RBMS3: variants seen among roughly 807,000 people sequenced by gnomAD.
The protein encoded by RBMS3 is RNA-binding motif, single-stranded-interacting protein 3.
A neutral mutation model predicts 66.8 loss-of-function variants in RBMS3; 27 were observed. That is an observed-to-expected ratio of 0.40 (90% confidence interval 0.30 to 0.56). The LOEUF is 0.56. RBMS3 is among the 20% of genes least tolerant of loss of function. RBMS3 has a pLI of 0.40. For synonymous variants in RBMS3, 188 were observed against 183.0 expected, an observed-to-expected ratio of 1.03 and a Z score of -0.22; for missense variants, 513 against 549.5, an observed-to-expected ratio of 0.93 and a Z score of 0.66.
chr3:29,696,957 T>C, intron 4 of RBMS3: 2 of 981,870 alleles, frequency 2.0e-6, no homozygotes, highest in Non-Finnish European at 2.4e-6. Flanking sequence ...TAATTTTTAA[T>C]TTTTGTAGGT....
chr3:29,659,885 A>C (rs1426003186), intron 4 of RBMS3, among the ~76,000 whole-genome samples: 13 of 152,110 alleles, frequency 8.5e-5, no homozygotes, highest in Admixed American at 7.2e-4. Flanking sequence ...CTACATCCTC[A>C]TCAACACTTA....
chr3:29,878,485 A>G (rs1270895894), intron 7 of RBMS3, among the ~76,000 whole-genome samples: 4 of 151,770 alleles, frequency 2.6e-5, no homozygotes, highest in Non-Finnish European at 5.9e-5. Context: ...TTCTTTCTTT[A>G]TTACTGACCT....
chr3:29,901,442 C>T (rs1203067141), intron 10 of RBMS3, among the ~76,000 whole-genome samples: 1 of 151,702 alleles, frequency 6.6e-6, no homozygotes, highest in African/African-American at 2.4e-5. Flanking sequence ...GAATATTTTA[C>T]CAGATGTCAA....
chr3:29,547,136 G>T (rs1437404068), intron 3 of RBMS3, among the ~76,000 whole-genome samples: 1 of 151,946 alleles, frequency 6.6e-6, no homozygotes, highest in Admixed American at 6.6e-5. Context: ...ACCATACCTG[G>T]CTAATTTTTG....
At chr3:29,751,773 C>T (rs1240920171) in intron 5 of RBMS3, among the ~76,000 whole-genome samples, 10 of 152,126 alleles carry the variant, frequency 6.6e-5, no homozygotes, top group South Asian at 2.1e-4. Context: ...CACAAAGGGG[C>T]GGCTCGGTTA....
intron 1 of RBMS3, among the ~76,000 whole-genome samples, chr3:29,427,173 GGACAGATTT>G (rs1187284260): frequency 2.0e-5 from 3 of 152,128 alleles, no homozygotes; most frequent in Admixed American, 6.5e-5. Context: ...AAGAGAAGTA[GGACAGATTT>G]TCACCAAACT....
intron 1 of RBMS3, among the ~76,000 whole-genome samples, chr3:29,306,387 T>C (rs1679805036): frequency 1.3e-5 from 2 of 151,960 alleles, no homozygotes; most frequent in South Asian, 4.1e-4. Flanking sequence ...TCAGACCTTC[T>C]CTTGCTCCTT....
chr3:29,510,896 A>G (rs2044373087), intron 3 of RBMS3, among the ~76,000 whole-genome samples: 1 of 152,242 alleles, frequency 6.6e-6, no homozygotes, highest in Non-Finnish European at 1.5e-5. Context: ...GCTAAAATCT[A>G]TTCTGCATGT....
chr3:29,463,458 G>T (rs1325920500), intron 2 of RBMS3, among the ~76,000 whole-genome samples: 1 of 152,048 alleles, frequency 6.6e-6, no homozygotes, highest in Non-Finnish European at 1.5e-5. Flanking sequence ...CAGAGACAAG[G>T]TATGTTCCTT....
At chr3:29,532,213 T>A (rs923031908) in intron 3 of RBMS3, among the ~76,000 whole-genome samples, 2 of 145,954 alleles carry the variant, frequency 1.4e-5, no homozygotes, top group Non-Finnish European at 3.0e-5. Flanking sequence ...GTATATATGA[T>A]CTTTCAGTCT....
At chr3:29,770,538 G>A (rs574996123) in intron 6 of RBMS3, among the ~76,000 whole-genome samples, 1 of 151,958 alleles carries the variant, frequency 6.6e-6, no homozygotes, top group South Asian at 2.1e-4. Flanking sequence ...TAGAGAAAAG[G>A]GATGAGGAGG....
chr3:29,281,500 T>C lies in RBMS3; in HGVS notation c.-182T>C, dbSNP rs1348971736. Reference sequence around the variant, plus strand: ...CTTTTTTTTTTTCCTTTGGTGTGTGTTTTTTGTTTTGTTTTGTTTTTTAAA... The same window carrying C: ...CTTTTTTTTTTTCCTTTGGTGTGTGCTTTTTGTTTTGTTTTGTTTTTTAAA... On this transcript the variant is annotated 5_prime_UTR_variant, in exon 1 of 15. Transcript: ENST00000383767. The C allele has an allele frequency of 2.8e-5, 16 of 580,916 alleles. No homozygotes were observed. The highest frequency in any genetic ancestry group is 4.2e-5 in the Non-Finnish European group (14 of 330,686). The allele number at this position is 580,916 out of a possible 1,614,324, so 36.0% of individuals were successfully genotyped here. A position where few individuals can be genotyped will look rare whatever the true frequency, so the allele number is the denominator to read the frequency against.
intron 3 of RBMS3, among the ~76,000 whole-genome samples, chr3:29,530,413 G>A (rs1316259016): frequency 6.6e-6 from 1 of 151,990 alleles, no homozygotes; most frequent in African/African-American, 2.4e-5. Flanking sequence ...ACTTGATGTG[G>A]ACTAAAAAAA....
intron 1 of RBMS3, among the ~76,000 whole-genome samples, chr3:29,292,493 A>G (rs762648946): frequency 1.3e-5 from 2 of 151,888 alleles, no homozygotes; most frequent in Admixed American, 1.3e-4. Flanking sequence ...CATTGACAGT[A>G]TATTACGCAA....
chr3:29,534,391 G>T (rs978720031), intron 3 of RBMS3, among the ~76,000 whole-genome samples: 1 of 152,068 alleles, frequency 6.6e-6, no homozygotes, highest in Non-Finnish European at 1.5e-5. Flanking sequence ...ATCTTGGTTG[G>T]GTGAAACAAG....
chr3:29,481,178 T>C (rs1285397494), intron 2 of RBMS3, among the ~76,000 whole-genome samples: 2 of 152,052 alleles, frequency 1.3e-5, no homozygotes, highest in African/African-American at 4.8e-5. Flanking sequence ...GTAGAGAACT[T>C]AGAAAAAGGG....
chr3:29,494,409 C>T (rs184467895), intron 3 of RBMS3, among the ~76,000 whole-genome samples: 66 of 152,300 alleles, frequency 4.3e-4, no homozygotes, highest in African/African-American at 1.5e-3. Flanking sequence ...GTGGTGGCTG[C>T]ATCAGCTTTC....
At chr3:29,648,263 A>ACT (rs1553636547) in intron 4 of RBMS3, among the ~76,000 whole-genome samples, 1 of 77,652 alleles carries the variant, frequency 1.3e-5, no homozygotes, top group Non-Finnish European at 2.4e-5. Flanking sequence ...GAAAATGTCT[A>ACT]TTTTTTTTTT....
At chr3:29,338,371 TG>T (rs2125531153) in intron 1 of RBMS3, among the ~76,000 whole-genome samples, 1 of 152,280 alleles carries the variant, frequency 6.6e-6, no homozygotes, top group African/African-American at 2.4e-5. Context: ...AAAGAGTAAT[TG>T]GTTTGCCTTC....
Sources: gnomAD v4.1 joint callset for allele counts (sites outside exome capture counted in the v4.1 genomes callset) on GRCh38, gnomAD v4.1.1 for gene constraint, MANE v1.5 for transcripts, NCBI Gene and HGNC (gene_info 2026-07-23, HGNC 2026-07-21) for gene names.